SLC31A1: variants seen among roughly 807,000 people sequenced by gnomAD.
SLC31A1 encodes the protein high affinity copper uptake protein 1.
SLC31A1 carries 5 observed loss-of-function variants against 17.2 expected under a neutral mutation model. The observed-to-expected ratio is 0.29, with a 90% CI of 0.15 to 0.61. The LOEUF (loss-of-function observed/expected upper bound fraction) is 0.61, where lower values mean the gene tolerates loss of function less well. Ranked by LOEUF, SLC31A1 falls within the 20% of genes least tolerant of loss-of-function variation. The pLI is 0.86. For missense variants in SLC31A1, 161 were observed against 241.4 expected (o/e 0.67, Z 2.21); for synonymous variants, 76 against 78.8 (o/e 0.96, Z 0.19).
intron 1 of SLC31A1, among the ~76,000 whole-genome samples, chr9:113,245,954 T>A (rs577514905): frequency 2.6e-5 from 4 of 151,810 alleles, no homozygotes; most frequent in Non-Finnish European, 5.9e-5. Context: ...TTTATTGCAG[T>A]ATTATATCAA....
intron 1 of SLC31A1, among the ~76,000 whole-genome samples, chr9:113,247,174 A>G (rs571046704): frequency 3.9e-5 from 6 of 152,348 alleles, no homozygotes; most frequent in African/African-American, 1.4e-4. Context: ...TACCAATTAT[A>G]AGTAATGACT....
chr9:113,236,395 A>G (rs961291462), intron 1 of SLC31A1, among the ~76,000 whole-genome samples: 6 of 146,892 alleles, frequency 4.1e-5, no homozygotes, highest in African/African-American at 7.6e-5. Context: ...ATGGAGTCTC[A>G]CTCTGTCGCC....
intron 1 of SLC31A1, among the ~76,000 whole-genome samples, chr9:113,225,266 A>G (rs1472994915): frequency 6.6e-6 from 1 of 152,238 alleles, no homozygotes; most frequent in Non-Finnish European, 1.5e-5. Flanking sequence ...ATAAGGCAAC[A>G]GTTCACAGAA....
At chr9:113,260,172 C>G (rs1051187751) in intron 4 of SLC31A1, 100 bp from the exon 5 acceptor site, 6 of 998,954 alleles carry the variant, frequency 6.0e-6, no homozygotes, top group Non-Finnish European at 9.6e-6. Flanking sequence ...GAGTGGCTGT[C>G]CAGTTCCAGC....
intron 1 of SLC31A1, among the ~76,000 whole-genome samples, chr9:113,250,074 TTGG>T (rs1408426807): frequency 6.6e-6 from 1 of 150,538 alleles, no homozygotes; most frequent in African/African-American, 2.4e-5. Context: ...TTTTACACTG[TTGG>T]TGGGACTGTA....
intron 1 of SLC31A1, among the ~76,000 whole-genome samples, chr9:113,237,178 C>G (rs1328461288): frequency 6.6e-6 from 1 of 152,178 alleles, no homozygotes; most frequent in Non-Finnish European, 1.5e-5. Flanking sequence ...CTTAGAGCCA[C>G]TTAGAGGTAG....
At chr9:113,257,337 G>A in intron 3 of SLC31A1, 152 bp downstream of exon 3, 1 of 730,244 alleles carries the variant, frequency 1.4e-6, no homozygotes, top group South Asian at 1.5e-5. Context: ...CTACCTAGAA[G>A]GTAGGAAACA....
rs111976327 is a variant in SLC31A1 at position 113,264,080 on chromosome 9, C to A, written c.*3607C>A. The A allele has an allele frequency of 0.11, 16,513 of 152,190 alleles. 1,218 individuals are homozygous for A. The highest frequency in any genetic ancestry group is 0.15 in the Non-Finnish European group (9,965 of 68,048). 9.4% of individuals were successfully genotyped at this position (152,190 alleles called of 1,614,324 possible). ...GGCTCACACACTTTGGGAGGCCAAG[C>A]GGGGGTGCAGATCACCTGAGGTCAG... On this transcript the variant is annotated 3_prime_UTR_variant, in exon 5 of 5. Transcript: ENST00000374212.
intron 2 of SLC31A1, 117 bp downstream of exon 2, chr9:113,256,394 A>G: frequency 2.5e-6 from 3 of 1,212,292 alleles, no homozygotes; most frequent in Non-Finnish European, 3.5e-6. Context: ...CAGTGAGGAT[A>G]ACTAAAGCAG....
chr9:113,256,427 G>C, intron 2 of SLC31A1, 150 bp downstream of exon 2: 1 of 834,376 alleles, frequency 1.2e-6, no homozygotes, highest in Non-Finnish European at 1.8e-6. Flanking sequence ...CAAGTCATTT[G>C]CTCCAGATTA....
At position 113,262,226 on chromosome 9, in the gene SLC31A1, C is replaced by G. The variant is rs554991793; in HGVS notation, c.*1753C>G. On this transcript the variant is annotated 3_prime_UTR_variant, in exon 5 of 5. Transcript: ENST00000374212. ...ACTGTGCTTATACCAAGCAGATCCTCATCCTCCATATAATCATCTTTGTTA... is the reference window on the plus strand; with the variant it reads ...ACTGTGCTTATACCAAGCAGATCCTGATCCTCCATATAATCATCTTTGTTA... 6.6e-6 allele frequency: 1 copy of G among 152,666 alleles called. No individual in the cohort carries two copies. The highest frequency in any genetic ancestry group is 2.4e-5 in the African/African-American group (1 of 41,454). 9.5% of individuals were successfully genotyped at this position (152,666 alleles called of 1,614,324 possible).
At chr9:113,236,044 G>A (rs187525294) in intron 1 of SLC31A1, among the ~76,000 whole-genome samples, 1 of 152,234 alleles carries the variant, frequency 6.6e-6, no homozygotes, top group East Asian at 1.9e-4. Context: ...CTAGCGTGCA[G>A]TGGCGCAATC....
intron 1 of SLC31A1, among the ~76,000 whole-genome samples, chr9:113,229,678 T>C (rs1036918188): frequency 5.3e-5 from 8 of 152,368 alleles, no homozygotes; most frequent in Admixed American, 3.3e-4. Context: ...GTGGGATTAC[T>C]GTGTTAAAGA....
intron 1 of SLC31A1, among the ~76,000 whole-genome samples, chr9:113,250,009 A>C (rs901399504): frequency 1.3e-5 from 2 of 152,104 alleles, no homozygotes; most frequent in Non-Finnish European, 2.9e-5. Flanking sequence ...AATGGCAATC[A>C]TTAAAAAGTC....
chr9:113,237,676 C>A (rs1831476921), intron 1 of SLC31A1, among the ~76,000 whole-genome samples: 2 of 152,142 alleles, frequency 1.3e-5, no homozygotes, highest in African/African-American at 4.8e-5. Context: ...AACCTTTATA[C>A]CTCAGTTTTC....
chr9:113,255,420 A>G (rs1831709425), intron 1 of SLC31A1, among the ~76,000 whole-genome samples: 1 of 152,228 alleles, frequency 6.6e-6, no homozygotes, highest in Non-Finnish European at 1.5e-5. Context: ...CATACCTATT[A>G]AAGGAACTAT....
chr9:113,229,003 C>T (rs948067315), intron 1 of SLC31A1, among the ~76,000 whole-genome samples: 3 of 152,204 alleles, frequency 2.0e-5, no homozygotes, highest in East Asian at 1.9e-4. Context: ...TGTGCCACCA[C>T]GACCGGCTGA....
At chr9:113,232,601 G>A (rs1831412718) in intron 1 of SLC31A1, among the ~76,000 whole-genome samples, 1 of 151,734 alleles carries the variant, frequency 6.6e-6, no homozygotes, top group African/African-American at 2.4e-5. Context: ...GGAGGCTAAG[G>A]CGTGTGGATC....
intron 1 of SLC31A1, among the ~76,000 whole-genome samples, chr9:113,249,249 A>C (rs536887494): frequency 8.0e-5 from 12 of 149,518 alleles, no homozygotes; most frequent in Non-Finnish European, 1.6e-4. Context: ...ATTCTCCAGT[A>C]TTGAACGATT....
Sources: gnomAD v4.1 joint callset for allele counts (sites outside exome capture counted in the v4.1 genomes callset) on GRCh38, gnomAD v4.1.1 for gene constraint, MANE v1.5 for transcripts, NCBI Gene and HGNC (gene_info 2026-07-23, HGNC 2026-07-21) for gene names.